The following PEX5L variants were observed in gnomAD, a reference collection of about 807,000 sequenced individuals.
PEX5L encodes the protein PEX5-related protein.
In PEX5L, 30 loss-of-function variants were observed where a neutral mutation model predicts 84.0. That is an observed-to-expected ratio of 0.36 (90% confidence interval 0.27 to 0.48). The LOEUF is 0.48. Ranked by LOEUF, PEX5L falls within the 20% of genes least tolerant of loss-of-function variation. PEX5L has a pLI of 0.99. For synonymous variants in PEX5L, 270 were observed against 283.1 expected, an observed-to-expected ratio of 0.95 and a Z score of 0.46; for missense variants, 533 against 754.6, an observed-to-expected ratio of 0.71 and a Z score of 3.44.
intron 7 of PEX5L, among the ~76,000 whole-genome samples, chr3:179,872,404 TAA>T (rs1023844499): frequency 6.6e-6 from 1 of 152,182 alleles, no homozygotes; most frequent in Non-Finnish European, 1.5e-5. Flanking sequence ...AAAAAACAAA[TAA>T]GAGTAAATTC....
At chr3:179,894,712 TA>T (rs1758678068) in intron 3 of PEX5L, among the ~76,000 whole-genome samples, 1 of 152,030 alleles carries the variant, frequency 6.6e-6, no homozygotes, top group Non-Finnish European at 1.5e-5. Flanking sequence ...AAACAAAAAT[TA>T]AATTAATACT....
intron 3 of PEX5L, among the ~76,000 whole-genome samples, chr3:179,890,756 G>A (rs1161332759): frequency 6.6e-6 from 1 of 152,070 alleles, no homozygotes; most frequent in African/African-American, 2.4e-5. Context: ...TAGTGATATA[G>A]GCCTACATTA....
At chr3:179,999,452 C>G (rs1357504742) in intron 1 of PEX5L, among the ~76,000 whole-genome samples, 2 of 152,150 alleles carry the variant, frequency 1.3e-5, no homozygotes, top group African/African-American at 4.8e-5. Context: ...TTCTACTCAC[C>G]AAGACTGACC....
Position 179,903,665 on chromosome 3 carries a change from T to C in PEX5L, c.94-5419A>G, listed in dbSNP as rs906099798. ...CAGAAGCAGGATAATCTTCTTTCAC[T>C]TGGCGAGCTAAATGTCAAAGTTAGT... On this transcript the variant is annotated intron_variant, in intron 2 of 14. Transcript: ENST00000467460. Among the ~76,000 whole-genome samples the C allele has an allele frequency of 2.0e-5, 3 of 152,228 alleles. No homozygotes were observed. In the South Asian group the frequency reaches 6.2e-4, roughly 31 times the overall value.
chr3:179,830,119 A>C (rs1275320467), intron 8 of PEX5L, among the ~76,000 whole-genome samples: 2 of 151,946 alleles, frequency 1.3e-5, no homozygotes, highest in African/African-American at 2.4e-5. Flanking sequence ...TCTAAAGCCC[A>C]TATAGATACT....
At position 179,978,001 on chromosome 3, in the gene PEX5L, G is replaced by A. The variant is rs114057186; in HGVS notation, c.22-6336C>T. Among the ~76,000 whole-genome samples the A allele has an allele frequency of 4.1e-3, 620 of 152,278 alleles. 6 individuals carry two copies. The highest frequency in any genetic ancestry group is 0.014 in the African/African-American group (595 of 41,542). On this transcript the variant is annotated intron_variant, in intron 1 of 14. Transcript: ENST00000467460. The stretch of plus-strand genomic sequence containing the variant: ...GACTCACTTCTGAATGTACGTTGTT[G>A]GGTGAGAAAAGAAATATAAGGACAA...
rs775607595 is a variant in PEX5L, at chr3:179,797,982, A to G, written c.*3846T>C. The G allele has an allele frequency of 3.3e-5, 5 of 152,184 alleles. No individual in the cohort carries two copies. The highest frequency in any genetic ancestry group is 5.9e-5 in the Non-Finnish European group (4 of 68,026). The allele number at this position is 152,184 out of a possible 1,614,324, so 9.4% of individuals were successfully genotyped here. A position where few individuals can be genotyped will look rare whatever the true frequency, so the allele number is the denominator to read the frequency against. ...AGAATGATCAACTTGCTTTCTCTGT[A>G]TTCCCAAGCTCACAGACAAAGTTTA... On this transcript the variant is annotated 3_prime_UTR_variant, in exon 15 of 15. Transcript: ENST00000467460.
chr3:180,014,365 C>CGGA (rs1789749867), intron 1 of PEX5L, among the ~76,000 whole-genome samples: 1 of 151,730 alleles, frequency 6.6e-6, no homozygotes, highest in South Asian at 2.1e-4. Context: ...CCAGCTACTC[C>CGGA]GGAGGCTGAG....
At chr3:179,911,300 T>C (rs576662184) in intron 2 of PEX5L, among the ~76,000 whole-genome samples, 7 of 152,314 alleles carry the variant, frequency 4.6e-5, no homozygotes, top group Admixed American at 1.3e-4. Context: ...CATAGCTTTA[T>C]ATGTGTGCTT....
chr3:179,941,155 C>T (rs1447848834), intron 2 of PEX5L, among the ~76,000 whole-genome samples: 1 of 152,196 alleles, frequency 6.6e-6, no homozygotes, highest in Admixed American at 6.5e-5. Context: ...GTGCGCCAAG[C>T]TCTACTGTAA....
chr3:179,826,085 G>C (rs1730389266), intron 8 of PEX5L, among the ~76,000 whole-genome samples: 1 of 152,134 alleles, frequency 6.6e-6, no homozygotes, highest in Non-Finnish European at 1.5e-5. Flanking sequence ...TGCCAGCAGG[G>C]TAGCTGCAGA....
intron 2 of PEX5L, among the ~76,000 whole-genome samples, chr3:179,970,095 AAAAG>A (rs1389806038): frequency 2.2e-4 from 34 of 152,256 alleles, no homozygotes; most frequent in African/African-American, 6.3e-4. Flanking sequence ...ATTTAGGCAA[AAAAG>A]AAAGAAAGAA....
chr3:180,010,179 G>C (rs139777338), intron 1 of PEX5L, among the ~76,000 whole-genome samples: 1 of 151,154 alleles, frequency 6.6e-6, no homozygotes, highest in Non-Finnish European at 1.5e-5. Context: ...TCTCCTGACC[G>C]TGTGATCTGT....
intron 8 of PEX5L, among the ~76,000 whole-genome samples, chr3:179,854,093 G>A (rs1043026858): frequency 1.0e-4 from 15 of 145,500 alleles, no homozygotes; most frequent in Admixed American, 2.7e-4. Flanking sequence ...TGGCAATATG[G>A]TGAAACCTCA....
At chr3:179,873,467 A>AT (rs1751056952) in intron 7 of PEX5L, among the ~76,000 whole-genome samples, 1 of 152,146 alleles carries the variant, frequency 6.6e-6, no homozygotes, top group Non-Finnish European at 1.5e-5. Flanking sequence ...ACAACTTATG[A>AT]TATCTTCGTG....
chr3:180,024,781 CA>C (rs988299814), intron 1 of PEX5L, among the ~76,000 whole-genome samples: 6 of 151,982 alleles, frequency 3.9e-5, no homozygotes, highest in Admixed American at 2.6e-4. Context: ...AGGGTATAAG[CA>C]AATGACAGCC....
At chr3:179,902,543 T>C (rs1046851651) in intron 2 of PEX5L, 2 of 304,848 alleles carry the variant, frequency 6.6e-6, no homozygotes, top group Non-Finnish European at 1.3e-5. Context: ...ACCTAAGTAT[T>C]TCATATATAT....
intron 1 of PEX5L, among the ~76,000 whole-genome samples, chr3:179,991,501 G>T (rs1218917206): frequency 6.6e-6 from 1 of 152,154 alleles, no homozygotes; most frequent in Non-Finnish European, 1.5e-5. Flanking sequence ...CAAGGTCTCA[G>T]CATCCTTTTT....
chr3:179,964,729 C>G (rs761564339), intron 2 of PEX5L, among the ~76,000 whole-genome samples: 6 of 152,158 alleles, frequency 3.9e-5, no homozygotes, highest in African/African-American at 1.4e-4. Flanking sequence ...TAGAGAAATG[C>G]ATACCCAAAC....
Sources: gnomAD v4.1 joint callset for allele counts (sites outside exome capture counted in the v4.1 genomes callset) on GRCh38, gnomAD v4.1.1 for gene constraint, MANE v1.5 for transcripts, NCBI Gene and HGNC (gene_info 2026-07-23, HGNC 2026-07-21) for gene names.